Variants in PHF14 observed in about 807,000 individuals in gnomAD.
The protein encoded by PHF14 is PHD finger protein 14.
A neutral mutation model predicts 117.9 loss-of-function variants in PHF14; 55 were observed. The ratio of observed to expected loss-of-function variants is 0.47; its 90% CI spans 0.38 to 0.58. PHF14 has a LOEUF of 0.58. PHF14 is among the 20% of genes least tolerant of loss of function. The probability of loss-of-function intolerance (pLI) is 0.00; values close to 1 mark genes in which losing one functional copy is unlikely to be tolerated. For missense variants in PHF14, 978 were observed against 1,122.2 expected (o/e 0.87, Z 1.84); for synonymous variants, 409 against 368.6 (o/e 1.11, Z -1.26).
intron 17 of PHF14, among the ~76,000 whole-genome samples, chr7:11,143,576 T>A (rs1016503286): frequency 2.6e-5 from 4 of 152,086 alleles, no homozygotes; most frequent in Non-Finnish European, 5.9e-5. Flanking sequence ...TGCAGAAAAA[T>A]AAAAGATAAA....
At chr7:11,007,070 G>T (rs1020632129) in intron 4 of PHF14, among the ~76,000 whole-genome samples, 2 of 151,990 alleles carry the variant, frequency 1.3e-5, no homozygotes, top group Non-Finnish European at 2.9e-5. Flanking sequence ...CCAGCTACTT[G>T]GGAGGCTGAG....
intron 6 of PHF14, among the ~76,000 whole-genome samples, chr7:11,027,197 A>G (rs1231844219): frequency 6.6e-6 from 1 of 152,182 alleles, no homozygotes; most frequent in Non-Finnish European, 1.5e-5. Flanking sequence ...CACAGTGTGG[A>G]CATCCTTTAA....
intron 17 of PHF14, among the ~76,000 whole-genome samples, chr7:11,137,843 C>T (rs935116268): frequency 6.6e-6 from 1 of 152,030 alleles, no homozygotes; most frequent in Middle Eastern, 3.4e-3. Context: ...ACCTCGGCCT[C>T]CCTAAAGTGT....
intron 8 of PHF14, among the ~76,000 whole-genome samples, chr7:11,036,062 A>G (rs905431261): frequency 6.6e-6 from 1 of 152,184 alleles, no homozygotes; most frequent in East Asian, 1.9e-4. Flanking sequence ...TATTTATTAC[A>G]TCTTGTTTCA....
chr7:11,010,110 T>G (rs1783291919), intron 4 of PHF14, among the ~76,000 whole-genome samples: 1 of 152,178 alleles, frequency 6.6e-6, no homozygotes, highest in Non-Finnish European at 1.5e-5. Context: ...TTTTATCTAG[T>G]TTGAATTTGT....
At chr7:11,042,485 A>C (rs1188223031) in intron 12 of PHF14, among the ~76,000 whole-genome samples, 198 bp from the exon 13 acceptor site, 2 of 152,010 alleles carry the variant, frequency 1.3e-5, no homozygotes, top group Admixed American at 6.6e-5. Context: ...GCTATTTTTA[A>C]CATTCTCAAA....
intron 16 of PHF14, chr7:11,106,305 C>A (rs543518055): frequency 3.1e-6 from 3 of 973,566 alleles, no homozygotes; most frequent in African/African-American, 3.5e-5. Flanking sequence ...TTCTTACTAC[C>A]CATTCATTCA....
intron 16 of PHF14, among the ~76,000 whole-genome samples, chr7:11,092,837 G>A (rs1475911992): frequency 6.6e-6 from 1 of 152,106 alleles, no homozygotes; most frequent in Non-Finnish European, 1.5e-5. Context: ...AAATGTTGAA[G>A]CCAGGTGCTG....
chr7:11,074,937 CTTTT>C (rs751367742), intron 16 of PHF14, among the ~76,000 whole-genome samples: 3 of 132,416 alleles, frequency 2.3e-5, no homozygotes, highest in Non-Finnish European at 3.2e-5. Flanking sequence ...TTTCAGATAT[CTTTT>C]TTTTTTTTTT....
chr7:11,011,496 C>A, intron 4 of PHF14, among the ~76,000 whole-genome samples: 1 of 152,170 alleles, frequency 6.6e-6, no homozygotes, highest in East Asian at 1.9e-4. Context: ...TTGCGTGTTA[C>A]TTTGGATGCC....
chr7:11,008,233 A>G (rs1186230370), intron 4 of PHF14, among the ~76,000 whole-genome samples: 1 of 152,196 alleles, frequency 6.6e-6, no homozygotes, highest in Non-Finnish European at 1.5e-5. Context: ...GCCCAAGGCC[A>G]TTTTTGTTTT....
intron 16 of PHF14, chr7:11,105,754 G>A: frequency 1.0e-6 from 1 of 984,756 alleles, no homozygotes; most frequent in Non-Finnish European, 1.2e-6. Context: ...CTTTCTGTAG[G>A]CCTGCCGATA....
chr7:11,089,099 A>C (rs1421619293), intron 16 of PHF14, among the ~76,000 whole-genome samples: 2 of 152,020 alleles, frequency 1.3e-5, no homozygotes, highest in African/African-American at 4.8e-5. Flanking sequence ...TAGATATAAA[A>C]AAAAAAAACC....
chr7:11,022,658 A>G (rs1274878119), intron 5 of PHF14, among the ~76,000 whole-genome samples: 1 of 152,044 alleles, frequency 6.6e-6, no homozygotes, highest in Non-Finnish European at 1.5e-5. Context: ...GCTGCTGGAA[A>G]AGTAATTTCA....
At chr7:10,999,496 A>G (rs1562568480) in intron 4 of PHF14, among the ~76,000 whole-genome samples, 1 of 152,182 alleles carries the variant, frequency 6.6e-6, no homozygotes, top group Non-Finnish European at 1.5e-5. Flanking sequence ...AGTTCCATGT[A>G]CATTTCAAAA....
intron 17 of PHF14, among the ~76,000 whole-genome samples, chr7:11,147,796 G>A (rs1026210209): frequency 6.6e-6 from 1 of 152,006 alleles, no homozygotes; most frequent in Non-Finnish European, 1.5e-5. Flanking sequence ...GTATTTGGGG[G>A]ACTTTTAAAT....
chr7:11,071,787 C>G (rs1237598883), intron 16 of PHF14, among the ~76,000 whole-genome samples: 2 of 152,142 alleles, frequency 1.3e-5, no homozygotes, highest in Admixed American at 6.5e-5. Context: ...GTTTCCACAA[C>G]TAATTTAATG....
chr7:11,014,071 G>A (rs1353361234), intron 5 of PHF14, among the ~76,000 whole-genome samples, 165 bp downstream of exon 5: 1 of 152,120 alleles, frequency 6.6e-6, no homozygotes, highest in African/African-American at 2.4e-5. Flanking sequence ...AAGGGTGAGA[G>A]GAAAGACCAT....
At chr7:11,106,713 G>T (rs530571904) in intron 16 of PHF14, 2 of 984,200 alleles carry the variant, frequency 2.0e-6, no homozygotes, top group African/African-American at 3.5e-5. Context: ...TTTTATTTAA[G>T]TAATGACAGT....
Sources: allele counts gnomAD v4.1 joint callset (sites outside exome capture counted in the v4.1 genomes callset), GRCh38; gene constraint gnomAD v4.1.1; transcripts MANE v1.5; gene names NCBI Gene and HGNC (gene_info 2026-07-23, HGNC 2026-07-21).